The following BAZ1A variants were observed in gnomAD, a reference collection of about 807,000 sequenced individuals.
The protein encoded by BAZ1A is bromodomain adjacent to zinc finger domain 1A.
BAZ1A carries 50 observed loss-of-function variants against 185.2 expected under a neutral mutation model. That is an observed-to-expected ratio of 0.27 (90% confidence interval 0.22 to 0.34). The LOEUF (loss-of-function observed/expected upper bound fraction) is 0.34, where lower values mean the gene tolerates loss of function less well. Ranked by LOEUF, BAZ1A falls within the 10% of genes least tolerant of loss-of-function variation. BAZ1A has a pLI of 1.00. For missense variants in BAZ1A, 1,356 were observed against 1,839.9 expected, an observed-to-expected ratio of 0.74 and a Z score of 4.81; for synonymous variants, 571 against 615.6, an observed-to-expected ratio of 0.93 and a Z score of 1.07.
intron 3 of BAZ1A, among the ~76,000 whole-genome samples, chr14:34,857,338 G>A (rs1465840411): frequency 2.0e-5 from 3 of 152,266 alleles, no homozygotes; most frequent in African/African-American, 7.2e-5. Flanking sequence ...GGGTCTTGCT[G>A]TGTCACCCTA....
At chr14:34,772,596 G>A (rs567724940) in intron 20 of BAZ1A, among the ~76,000 whole-genome samples, 13 of 152,254 alleles carry the variant, frequency 8.5e-5, no homozygotes, top group Non-Finnish European at 1.5e-4. Flanking sequence ...TATAGATTCT[G>A]ATTAGTAATA....
intron 14 of BAZ1A, among the ~76,000 whole-genome samples, chr14:34,784,738 T>C (rs1034810520): frequency 1.3e-5 from 2 of 152,020 alleles, no homozygotes; most frequent in Non-Finnish European, 2.9e-5. Context: ...CAGGGTGGTC[T>C]CGATCTCCTG....
rs1195957390 is a variant in BAZ1A, at chr14:34,754,713, C to A, written c.4474+114G>T. 3 of 644,038 alleles carry A rather than the reference C, an allele frequency of 4.7e-6. No homozygotes were observed. The African/African-American group carries it at 5.5e-5, about 12-fold the overall frequency. The allele number at this position is 644,038 out of a possible 1,614,324, so 39.9% of individuals were successfully genotyped here. ...TCTACACAACTACATCAACACACAT[C>A]CTTTTAGTAACAGAAAAACAGCCTC... On this transcript the variant is annotated intron_variant, in intron 26 of 26. Coordinates refer to ENST00000360310, the MANE Select transcript of BAZ1A (RefSeq NM_013448.3).
Position 34,810,609 on chromosome 14 carries a change from C to T in BAZ1A, c.638+326G>A, listed in dbSNP as rs139974263. ...TGGGGTTAGTCATCTAAACAAATGGCTCAATAAGTCCATTAGGATTTTTTT... is the reference window on the plus strand; with the variant it reads ...TGGGGTTAGTCATCTAAACAAATGGTTCAATAAGTCCATTAGGATTTTTTT... On this transcript the variant is annotated intron_variant, in intron 5 of 26. Transcript: ENST00000360310. 4.6e-4 allele frequency among the ~76,000 whole-genome samples: 70 copies of T among 152,026 alleles called. No homozygotes were observed. The East Asian group carries it at 0.013, about 29-fold the overall frequency.
At chr14:34,871,359 G>A (rs2042945430) in intron 2 of BAZ1A, among the ~76,000 whole-genome samples, 2 of 152,242 alleles carry the variant, frequency 1.3e-5, no homozygotes, top group Non-Finnish European at 2.9e-5. Flanking sequence ...CATGCAGCCA[G>A]AATAAATCGT....
intron 5 of BAZ1A, among the ~76,000 whole-genome samples, chr14:34,808,727 C>T (rs2041887310): frequency 6.6e-6 from 1 of 151,972 alleles, no homozygotes; most frequent in Non-Finnish European, 1.5e-5. Context: ...GTTTTTTATT[C>T]TCCCTTGCCC....
At chr14:34,797,748 A>G (rs1881274979) in intron 9 of BAZ1A, among the ~76,000 whole-genome samples, 1 of 152,206 alleles carries the variant, frequency 6.6e-6, no homozygotes, top group South Asian at 2.1e-4. Flanking sequence ...ATCAATGCAG[A>G]AGACGGTGAT....
rs2138856406 is a variant in BAZ1A at position 34,874,830 on chromosome 14, C to A, written c.-58-168G>T. 4.4e-6 allele frequency: 2 copies of A among 449,762 alleles called. No homozygotes were observed. The highest frequency in any genetic ancestry group is 4.5e-5 in the Admixed American group (1 of 22,058). 27.9% of individuals were successfully genotyped at this position (449,762 alleles called of 1,614,324 possible). ...TGCCGCTGCCCGGGTGTCGAGCGAGCGGAGCCGCCGCCGCCCCTGCCCCCC... is the reference window on the plus strand; with the variant it reads ...TGCCGCTGCCCGGGTGTCGAGCGAGAGGAGCCGCCGCCGCCCCTGCCCCCC... On this transcript the variant is annotated intron_variant, in intron 1 of 26. Coordinates refer to ENST00000360310, the MANE Select transcript of BAZ1A (RefSeq NM_013448.3). This position sits in a 1 kb window ranked among gnomAD's most constrained non-coding sequence, Gnocchi z 4.7.
intron 3 of BAZ1A, among the ~76,000 whole-genome samples, chr14:34,840,590 T>C (rs561993100): frequency 1.4e-4 from 22 of 151,946 alleles, no homozygotes; most frequent in Non-Finnish European, 2.6e-4. Context: ...GAAATCTCGT[T>C]TCTACTAAAA....
intron 24 of BAZ1A, 40 bp downstream of exon 24, chr14:34,761,717 C>T: frequency 4.0e-6 from 6 of 1,507,250 alleles, no homozygotes; most frequent in Non-Finnish European, 5.4e-6. Context: ...CCAAATTATT[C>T]AATTTTCCTA....
In BAZ1A at chr14:34,833,388, C is replaced by T. The variant is rs148762331; in HGVS notation, c.393-7232G>A. 1.6e-3 allele frequency among the ~76,000 whole-genome samples: 237 copies of T among 152,082 alleles called. 1 individual carries two copies. The highest frequency in any genetic ancestry group is 6.6e-3 in the East Asian group (34 of 5,176). The stretch of plus-strand genomic sequence containing the variant: ...ACTAAAGATACAAAAATTAGCCGGG[C>T]GTGGTGGCGCGCGCCTATAATCCCA... On this transcript the variant is annotated intron_variant, in intron 3 of 26. Transcript: ENST00000360310.
intron 3 of BAZ1A, among the ~76,000 whole-genome samples, chr14:34,832,323 C>T (rs1594885715): frequency 6.6e-6 from 1 of 150,414 alleles, no homozygotes; most frequent in Non-Finnish European, 1.5e-5. Context: ...CATTAACATA[C>T]ATTATCTCAA....
chr14:34,785,942 G>A lies in BAZ1A; in HGVS notation c.1666C>T (p.His556Tyr). 1 of 1,614,064 alleles carries A rather than the reference G, an allele frequency of 6.2e-7. No homozygotes were observed. Among genetic ancestry groups the A allele is most frequent in the Non-Finnish European group, 8.5e-7 (1 of 1,180,022 alleles). Residue 556 changes from histidine to tyrosine, a missense_variant, in exon 14 of 27, where the codon CAC becomes TAC. This residue lies in a region of BAZ1A where 184 missense variants were observed against 355.1 expected (regional missense o/e 0.52). Coordinates refer to ENST00000360310, the MANE Select transcript of BAZ1A (RefSeq NM_013448.3). Reference sequence around the variant, plus strand: ...ACATCAGCACCTGAAGCTAAGATGTGCAGTCTGAGGATTTCTGAAAGAGTG... The same window carrying A: ...ACATCAGCACCTGAAGCTAAGATGTACAGTCTGAGGATTTCTGAAAGAGTG... ...SCTLSEILRL[H>Y]ILASGADVTS... is the part of the protein sequence containing the mutation.
chr14:34,794,802 G>A lies in BAZ1A; in HGVS notation c.1310C>T (p.Ala437Val), dbSNP rs1217141595. Reference sequence around the variant, plus strand: ...TTGAAGATCAAAAAGTTCCCCAAATGCATTAAGGAACTCCAAAACCATCAG... The same window carrying A: ...TTGAAGATCAAAAAGTTCCCCAAATACATTAAGGAACTCCAAAACCATCAG... ...DALMVLEFLN[A>V]FGELFDLQDE... The change falls in exon 11 of 27, where the codon GCA becomes GTA. Residue 437 changes from alanine to valine, a missense_variant. Ala to Val is a moderately conservative substitution (Grantham distance 64, BLOSUM62 0). Coordinates refer to ENST00000360310, the MANE Select transcript of BAZ1A (RefSeq NM_013448.3). 6.2e-7 allele frequency: 1 copy of A among 1,614,082 alleles called. No individual in the cohort carries two copies.
At chr14:34,850,059 T>C (rs760855498) in intron 3 of BAZ1A, among the ~76,000 whole-genome samples, 2 of 151,902 alleles carry the variant, frequency 1.3e-5, no homozygotes, top group African/African-American at 4.8e-5. Context: ...TACGCACAAA[T>C]AGACATAAGC....
At chr14:34,830,000 G>A (rs1344847046) in intron 3 of BAZ1A, among the ~76,000 whole-genome samples, 1 of 152,150 alleles carries the variant, frequency 6.6e-6, no homozygotes, top group Non-Finnish European at 1.5e-5. Context: ...CTTCTCTAGA[G>A]GGAGTTTATG....
At chr14:34,775,842 CAA>C in intron 18 of BAZ1A, 75 bp downstream of exon 18, 1 of 1,238,880 alleles carries the variant, frequency 8.1e-7, no homozygotes. Context: ...TAATAGGTTG[CAA>C]AAACGCTTAA....
intron 24 of BAZ1A, among the ~76,000 whole-genome samples, chr14:34,760,517 A>AT (rs1467649527): frequency 4.7e-5 from 7 of 147,848 alleles, no homozygotes; most frequent in Non-Finnish European, 8.9e-5. Context: ...AAACAGTGGC[A>AT]TTTTTTATGT....
At chr14:34,786,962 C>T (rs1328042895) in intron 12 of BAZ1A, among the ~76,000 whole-genome samples, 1 of 151,962 alleles carries the variant, frequency 6.6e-6, no homozygotes, top group African/African-American at 2.4e-5. Context: ...GTAGCCATCA[C>T]AAAATCATCA....
Sources: gnomAD v4.1 joint callset for allele counts (sites outside exome capture counted in the v4.1 genomes callset) on GRCh38, gnomAD v4.1.1 for gene constraint, gnomAD v4.1.1 regional missense constraint, Gnocchi (gnomAD v3.1) non-coding constraint, MANE v1.5 for transcripts, NCBI Gene and HGNC (gene_info 2026-07-23, HGNC 2026-07-21) for gene names.